PLCXD2: variants seen among roughly 807,000 people sequenced by gnomAD.
The protein encoded by PLCXD2 is phosphatidylinositol specific phospholipase C X domain containing 2, also known as PI-PLC X domain-containing protein 2.
In PLCXD2, 21 loss-of-function variants were observed where a neutral mutation model predicts 28.6. The observed-to-expected ratio is 0.73, with a 90% CI of 0.52 to 1.06. PLCXD2 has a LOEUF of 1.06. PLCXD2 is among the 50% of genes least tolerant of loss of function. The pLI, the probability that PLCXD2 is intolerant of heterozygous loss-of-function variation, is 0.00. For synonymous variants in PLCXD2, 140 were observed against 150.1 expected (o/e 0.93, Z 0.49); for missense variants, 369 against 376.7 (o/e 0.98, Z 0.17).
intron 3 of PLCXD2, among the ~76,000 whole-genome samples, chr3:111,714,677 A>G (rs1333275295): frequency 6.6e-6 from 1 of 152,174 alleles, no homozygotes; most frequent in East Asian, 1.9e-4. Flanking sequence ...AGCTTCAGTA[A>G]TTTTGTATCA....
intron 1 of PLCXD2, among the ~76,000 whole-genome samples, chr3:111,682,811 G>C (rs577846787): frequency 6.6e-6 from 1 of 152,296 alleles, no homozygotes; most frequent in South Asian, 2.1e-4. Context: ...TTGGCAGTAG[G>C]TGTCCATATG....
chr3:111,720,218 T>C (rs1941326390), intron 3 of PLCXD2, among the ~76,000 whole-genome samples: 1 of 151,138 alleles, frequency 6.6e-6, no homozygotes, highest in Non-Finnish European at 1.5e-5. Context: ...TTCTTTTTTC[T>C]TTTTTTTCAG....
Position 111,708,400 on chromosome 3 carries a change from A to G in PLCXD2, c.624+14A>G. ...AAGAACTGCCAGGTAGGAGGGAAGG[A>G]GAGATAAGCTTCCAAGAGCAAGAAT... On this transcript the variant is annotated intron_variant, in intron 2 of 4. Coordinates refer to ENST00000477665, the MANE Select transcript of PLCXD2 (RefSeq NM_001185106.1). The G allele has an allele frequency of 6.2e-7, 1 of 1,603,604 alleles. No homozygotes were observed. The highest frequency in any genetic ancestry group is 8.5e-7 in the Non-Finnish European group (1 of 1,173,442).
At chr3:111,683,045 C>A (rs1408929632) in intron 1 of PLCXD2, among the ~76,000 whole-genome samples, 1 of 152,176 alleles carries the variant, frequency 6.6e-6, no homozygotes, top group Non-Finnish European at 1.5e-5. Flanking sequence ...ATTCTTCTCC[C>A]TGCTCTTCCT....
At position 111,708,156 on chromosome 3, in the gene PLCXD2, C is replaced by G; in HGVS notation, c.394C>G (p.His132Asp). 1 of 1,614,220 alleles carries G rather than the reference C, an allele frequency of 6.2e-7. No individual in the cohort carries two copies. Among genetic ancestry groups the G allele is most frequent in the Non-Finnish European group, 8.5e-7 (1 of 1,180,034 alleles). ...TGCCGACCAGGAGATCTACTTCATC[C>G]ATGGGCTTTTTGGCATCAAGGTCTG... The change falls in exon 2 of 5, where the codon CAT (histidine) becomes GAT (aspartate). Residue 132 changes from histidine to aspartate, a missense_variant. Coordinates refer to ENST00000477665, the MANE Select transcript of PLCXD2 (RefSeq NM_001185106.1).
chr3:111,675,446 T>C, intron 1 of PLCXD2, 38 bp downstream of exon 1: 1 of 1,610,178 alleles, frequency 6.2e-7, no homozygotes, highest in South Asian at 1.1e-5. Context: ...CTGTGTTTAA[T>C]TCTGCCATTT....
chr3:111,697,307 A>T (rs78257857), intron 1 of PLCXD2, among the ~76,000 whole-genome samples: 3,373 of 152,250 alleles, frequency 0.022, 138 homozygotes, highest in African/African-American at 0.077. Context: ...TCAACTTACC[A>T]CATTATTGAG....
chr3:111,709,808 A>C (rs1941175197), intron 2 of PLCXD2, among the ~76,000 whole-genome samples: 1 of 152,164 alleles, frequency 6.6e-6, no homozygotes, highest in Non-Finnish European at 1.5e-5. Flanking sequence ...TGATCATGTG[A>C]GCCTAGAAGG....
chr3:111,700,856 G>A (rs1257817924), intron 1 of PLCXD2, among the ~76,000 whole-genome samples: 1 of 152,008 alleles, frequency 6.6e-6, no homozygotes, highest in Non-Finnish European at 1.5e-5. Flanking sequence ...GGGGGGTCAG[G>A]GGCAGAATAT....
chr3:111,676,377 G>C (rs961747312), intron 1 of PLCXD2, among the ~76,000 whole-genome samples: 17 of 152,052 alleles, frequency 1.1e-4, no homozygotes, highest in African/African-American at 4.1e-4. Flanking sequence ...TTTTTTTTGA[G>C]GTTTGGTTGG....
chr3:111,700,924 T>A (rs1249139725), intron 1 of PLCXD2, among the ~76,000 whole-genome samples: 1 of 151,970 alleles, frequency 6.6e-6, no homozygotes, highest in African/African-American at 2.4e-5. Flanking sequence ...AAGTCAGAAA[T>A]TAAATTTTAA....
intron 1 of PLCXD2, among the ~76,000 whole-genome samples, chr3:111,686,284 G>A (rs1052477167): frequency 1.3e-5 from 2 of 152,212 alleles, no homozygotes; most frequent in Non-Finnish European, 2.9e-5. Flanking sequence ...TCCTCAGACA[G>A]TGAGATGCAC....
intron 3 of PLCXD2, among the ~76,000 whole-genome samples, chr3:111,714,779 C>T (rs1288384842): frequency 6.6e-6 from 1 of 152,032 alleles, no homozygotes; most frequent in East Asian, 1.9e-4. Flanking sequence ...TGTGTGCGCG[C>T]ACATATATGT....
At chr3:111,721,269 A>G (rs1941342236) in intron 3 of PLCXD2, 1 of 153,128 alleles carries the variant, frequency 6.5e-6, no homozygotes, top group African/African-American at 2.4e-5. Context: ...GAAAAAGTTG[A>G]ACCAGAAACA....
chr3:111,695,636 C>T (rs1212329321), intron 1 of PLCXD2, among the ~76,000 whole-genome samples: 1 of 152,194 alleles, frequency 6.6e-6, no homozygotes, highest in Admixed American at 6.5e-5. Context: ...GAAAACATTA[C>T]TGGTTCTGCT....
chr3:111,719,790 C>T (rs1258486221), intron 3 of PLCXD2, among the ~76,000 whole-genome samples: 1 of 152,094 alleles, frequency 6.6e-6, no homozygotes, highest in Non-Finnish European at 1.5e-5. Flanking sequence ...TTCTGGAGTA[C>T]CAGTTATGTT....
intron 1 of PLCXD2, among the ~76,000 whole-genome samples, chr3:111,695,181 A>AT (rs1940944233): frequency 6.6e-6 from 1 of 150,852 alleles, no homozygotes; most frequent in Non-Finnish European, 1.5e-5. Context: ...AAAAAAAAAA[A>AT]TCTTGTTGAA....
intron 1 of PLCXD2, 40 bp downstream of exon 1, chr3:111,675,448 C>G: frequency 1.9e-6 from 3 of 1,609,284 alleles, no homozygotes; most frequent in Admixed American, 1.7e-5. Context: ...GTGTTTAATT[C>G]TGCCATTTTA....
intron 2 of PLCXD2, among the ~76,000 whole-genome samples, chr3:111,712,488 T>G (rs1941212607): frequency 6.6e-6 from 1 of 152,220 alleles, no homozygotes; most frequent in African/African-American, 2.4e-5. Flanking sequence ...GAGCCTGTGA[T>G]TAACCTCATT....
Sources: gnomAD v4.1 joint callset for allele counts (sites outside exome capture counted in the v4.1 genomes callset) on GRCh38, gnomAD v4.1.1 for gene constraint, MANE v1.5 for transcripts, NCBI Gene and HGNC (gene_info 2026-07-23, HGNC 2026-07-21) for gene names.